Variants in PLEKHF2 observed in about 807,000 individuals in gnomAD.
PLEKHF2 encodes the protein pleckstrin homology domain-containing family F member 2.
PLEKHF2 carries 4 observed loss-of-function variants against 14.7 expected under a neutral mutation model. That is an observed-to-expected ratio of 0.27 (90% CI 0.13 to 0.62). PLEKHF2 has a LOEUF of 0.62. PLEKHF2 is among the 20% of genes least tolerant of loss of function. The pLI, the probability that PLEKHF2 is intolerant of heterozygous loss-of-function variation, is 0.85. For missense variants in PLEKHF2, 201 were observed against 307.7 expected (o/e 0.65, Z 2.60); for synonymous variants, 90 against 103.5 (o/e 0.87, Z 0.79).
At chr8:95,134,840 G>C (rs1810358244) in intron 1 of PLEKHF2, among the ~76,000 whole-genome samples, 1 of 152,132 alleles carries the variant, frequency 6.6e-6, no homozygotes, top group Admixed American at 6.5e-5. Context: ...GTCGTGTTGT[G>C]TAGTACGTTG....
chr8:95,154,618 C>A lies in PLEKHF2; in HGVS notation c.574C>A (p.Leu192Ile), dbSNP rs745640413. The change falls in exon 2 of 2, where the codon CTT becomes ATT. Residue 192 changes from leucine (L) to isoleucine (I), a missense_variant. Physicochemically the swap from Leu to Ile is conservative, Grantham distance 5 (BLOSUM62 2). Transcript: ENST00000315367. This position sits in a 1 kb window ranked among gnomAD's most constrained non-coding sequence, Gnocchi z 5.6. ...TGGGCCCTGCTCTGAAAAGAGATTT[C>A]TTCTTCCCAGCCAGTCCTCTAAGCC... ...VCGPCSEKRF[L>I]LPSQSSKPVR... is the part of the protein sequence containing the mutation. 5 of 1,614,154 alleles carry A rather than the reference C, an allele frequency of 3.1e-6. No individual in the cohort carries two copies. Among genetic ancestry groups the A allele is most frequent in the Non-Finnish European group, 4.2e-6 (5 of 1,180,002 alleles).
chr8:95,147,965 TA>T (rs1454840606), intron 1 of PLEKHF2, among the ~76,000 whole-genome samples: 1 of 151,974 alleles, frequency 6.6e-6, no homozygotes, highest in Non-Finnish European at 1.5e-5. Context: ...TTTAATTGTA[TA>T]AGTGAAACCT....
rs144313627 is a variant in PLEKHF2 at position 95,146,577 on chromosome 8, C to G, written c.-14-7454C>G. 6.0e-3 allele frequency among the ~76,000 whole-genome samples: 906 copies of G among 151,062 alleles called. 11 individuals are homozygous for G. Among genetic ancestry groups the G allele is most frequent in the African/African-American group, 0.021 (867 of 41,182 alleles). On this transcript the variant is annotated intron_variant, in intron 1 of 1. Transcript: ENST00000315367. Reference sequence around the variant, plus strand: ...ACATTTTTAACAGGTGGTAGACACCCCACTGAAGAACATGTTACTTTAAAA... The same window carrying G: ...ACATTTTTAACAGGTGGTAGACACCGCACTGAAGAACATGTTACTTTAAAA...
chr8:95,139,373 G>A (rs1432447061), intron 1 of PLEKHF2, among the ~76,000 whole-genome samples: 1 of 152,152 alleles, frequency 6.6e-6, no homozygotes, highest in African/African-American at 2.4e-5. Context: ...GTTGGGCAGG[G>A]TGGCATGCCT....
intron 1 of PLEKHF2, among the ~76,000 whole-genome samples, chr8:95,145,486 C>T (rs1447301287): frequency 2.6e-5 from 4 of 151,064 alleles, no homozygotes; most frequent in African/African-American, 2.4e-5. Context: ...GTCACCGAGG[C>T]TCACTCAGCT....
chr8:95,146,969 A>G (rs969145290), intron 1 of PLEKHF2, among the ~76,000 whole-genome samples: 2 of 152,116 alleles, frequency 1.3e-5, no homozygotes, highest in African/African-American at 2.4e-5. Context: ...GTGGCAACAA[A>G]AAGTATACAA....
chr8:95,146,880 G>T (rs951072538), intron 1 of PLEKHF2, among the ~76,000 whole-genome samples: 9 of 151,204 alleles, frequency 6.0e-5, no homozygotes, highest in Non-Finnish European at 1.3e-4. Context: ...AATGTGAAAA[G>T]AAACAAGTAT....
At chr8:95,143,357 C>G (rs1419888294) in intron 1 of PLEKHF2, among the ~76,000 whole-genome samples, 5 of 152,148 alleles carry the variant, frequency 3.3e-5, no homozygotes, top group Admixed American at 1.3e-4. Flanking sequence ...CCTCGGCCTC[C>G]CAAAGTGCTG....
intron 1 of PLEKHF2, among the ~76,000 whole-genome samples, chr8:95,136,331 TATACAC>T (rs1343866841): frequency 0.011 from 1,210 of 107,800 alleles, 6 homozygotes; most frequent in Middle Eastern, 0.067. Flanking sequence ...TTTTATTATA[TATACAC>T]ACACACACAC....
chr8:95,152,074 C>G (rs1810570251), intron 1 of PLEKHF2, among the ~76,000 whole-genome samples: 1 of 152,056 alleles, frequency 6.6e-6, no homozygotes, highest in Non-Finnish European at 1.5e-5. Flanking sequence ...GTCTTAAAAT[C>G]TATAGCACCT....
At position 95,155,895 on chromosome 8, in the gene PLEKHF2, G is replaced by A. The variant is rs959268121; in HGVS notation, c.*1101G>A. The A allele has an allele frequency of 6.0e-6, 1 of 166,976 alleles. No individual in the cohort carries two copies. Among genetic ancestry groups the A allele is most frequent in the African/African-American group, 2.4e-5 (1 of 41,430 alleles). The allele number at this position is 166,976 out of a possible 1,614,324, so 10.3% of individuals were successfully genotyped here. On this transcript the variant is annotated 3_prime_UTR_variant, in exon 2 of 2. Transcript: ENST00000315367. ...AAACTATCTTGAATTTGCAAATATA[G>A]TGTTATATTTTATAAAGTTTTGTAA...
At chr8:95,144,949 T>A (rs1430882601) in intron 1 of PLEKHF2, among the ~76,000 whole-genome samples, 2 of 151,842 alleles carry the variant, frequency 1.3e-5, no homozygotes, top group African/African-American at 4.8e-5. Flanking sequence ...CATGACTCAG[T>A]TTTTTTGTAA....
chr8:95,134,198 G>GGGC (rs987833530), intron 1 of PLEKHF2, 168 bp downstream of exon 1: 7 of 150,174 alleles, frequency 4.7e-5, no homozygotes, highest in African/African-American at 1.7e-4. Context: ...GTGAGAAACG[G>GGGC]GGCGCTCCCG....
chr8:95,134,751 G>A (rs1428217636), intron 1 of PLEKHF2, among the ~76,000 whole-genome samples: 2 of 152,156 alleles, frequency 1.3e-5, no homozygotes, highest in African/African-American at 4.8e-5. Context: ...GTGGAAGTGG[G>A]TATGAAGGTT....
chr8:95,146,200 TTA>T (rs1810498473), intron 1 of PLEKHF2, among the ~76,000 whole-genome samples: 1 of 150,302 alleles, frequency 6.7e-6, no homozygotes, highest in Admixed American at 6.6e-5. Flanking sequence ...TAAAAATTAT[TTA>T]TGTTTTCTTC....
intron 1 of PLEKHF2, among the ~76,000 whole-genome samples, chr8:95,136,326 TTA>T (rs60427448): frequency 0.2 from 26,123 of 131,886 alleles, 2,486 homozygotes; most frequent in Non-Finnish European, 0.23. Context: ...TTGGTTTTTA[TTA>T]TATATACACA....
chr8:95,150,827 A>C (rs1230972321), intron 1 of PLEKHF2, among the ~76,000 whole-genome samples: 1 of 152,162 alleles, frequency 6.6e-6, no homozygotes, highest in Non-Finnish European at 1.5e-5. Context: ...GTTCTTAGGA[A>C]CAATTAGTGT....
intron 1 of PLEKHF2, among the ~76,000 whole-genome samples, chr8:95,151,242 G>T (rs1810559724): frequency 6.6e-6 from 1 of 152,172 alleles, no homozygotes; most frequent in Admixed American, 6.5e-5. Context: ...ATTTATGATA[G>T]TATTAATTCT....
intron 1 of PLEKHF2, among the ~76,000 whole-genome samples, chr8:95,148,044 A>G (rs922638314): frequency 1.3e-5 from 2 of 152,092 alleles, no homozygotes; most frequent in South Asian, 2.1e-4. Context: ...TTAATGAACA[A>G]TATTTCTAAG....
Sources: gnomAD v4.1 joint callset for allele counts (sites outside exome capture counted in the v4.1 genomes callset) on GRCh38, gnomAD v4.1.1 for gene constraint, Gnocchi (gnomAD v3.1) non-coding constraint, MANE v1.5 for transcripts, NCBI Gene and HGNC (gene_info 2026-07-23, HGNC 2026-07-21) for gene names.